Variants in TPRG1 observed in about 807,000 individuals in gnomAD.
The protein encoded by TPRG1 is tumor protein p63 regulated 1, also known as tumor protein p63-regulated gene 1 protein.
Under a neutral mutation model 29.3 loss-of-function variants are expected in TPRG1, and 29 were observed. The ratio of observed to expected loss-of-function variants is 0.99; its 90% confidence interval spans 0.74 to 1.35. The LOEUF (loss-of-function observed/expected upper bound fraction) is 1.35, where lower values mean the gene tolerates loss of function less well. Ranked by LOEUF, TPRG1 falls within the 40% of genes most tolerant of loss-of-function variation. The probability of loss-of-function intolerance (pLI) is 0.00; values close to 1 mark genes in which losing one functional copy is unlikely to be tolerated. For missense variants in TPRG1, 327 were observed against 335.0 expected, an observed-to-expected ratio of 0.98 and a Z score of 0.19; for synonymous variants, 130 against 116.8, an observed-to-expected ratio of 1.11 and a Z score of -0.73.
intron 3 of TPRG1, among the ~76,000 whole-genome samples, chr3:189,234,741 A>G (rs1349573009): frequency 6.6e-6 from 1 of 152,188 alleles, no homozygotes; most frequent in Non-Finnish European, 1.5e-5. Flanking sequence ...CTGAATTTGT[A>G]TTTTCAGAGT....
At chr3:189,111,212 GTA>G (rs1720480544) in intron 1 of TPRG1, among the ~76,000 whole-genome samples, 1 of 151,942 alleles carries the variant, frequency 6.6e-6, no homozygotes, top group East Asian at 1.9e-4. Context: ...CATGAACATA[GTA>G]TATATCTCCT....
chr3:189,057,637 G>A (rs1715786264), intron 4 of TPRG1, among the ~76,000 whole-genome samples: 1 of 149,886 alleles, frequency 6.7e-6, no homozygotes, highest in Admixed American at 6.7e-5. Flanking sequence ...ACTTCATGTT[G>A]AAACAAAAAC....
intron 1 of TPRG1, among the ~76,000 whole-genome samples, chr3:189,194,536 C>A (rs1174374866): frequency 6.6e-6 from 1 of 152,136 alleles, no homozygotes; most frequent in Non-Finnish European, 1.5e-5. Context: ...GGATCTGTGA[C>A]TCTGAGGCAT....
At chr3:189,299,128 G>A (rs1402652496) in intron 4 of TPRG1, among the ~76,000 whole-genome samples, 1 of 151,226 alleles carries the variant, frequency 6.6e-6, no homozygotes, top group African/African-American at 2.4e-5. Context: ...GTTTTTTTAG[G>A]GTGCTCAAAA....
intron 3 of TPRG1, among the ~76,000 whole-genome samples, chr3:189,132,862 T>G (rs1464837572): frequency 6.6e-6 from 1 of 152,178 alleles, no homozygotes; most frequent in Non-Finnish European, 1.5e-5. Flanking sequence ...TCAAATAATG[T>G]AAGTTAGTTT....
At chr3:189,295,399 A>G (rs189177680) in intron 4 of TPRG1, among the ~76,000 whole-genome samples, 8 of 149,534 alleles carry the variant, frequency 5.3e-5, no homozygotes, top group African/African-American at 1.7e-4. Context: ...CAGTATTTAC[A>G]TCTTTTAAAC....
At chr3:189,057,851 T>TATATATAC (rs1322398373) in intron 4 of TPRG1, among the ~76,000 whole-genome samples, 4 of 111,330 alleles carry the variant, frequency 3.6e-5, no homozygotes, top group African/African-American at 2.3e-4. Context: ...TGTGTGTATA[T>TATATATAC]ATATACACAC....
chr3:189,252,542 A>G (rs978171316), intron 4 of TPRG1, among the ~76,000 whole-genome samples: 6 of 152,222 alleles, frequency 3.9e-5, no homozygotes, highest in Non-Finnish European at 7.3e-5. Flanking sequence ...TATTGTGTTT[A>G]TAACCTCCCA....
chr3:189,133,253 G>A (rs1200204069), intron 3 of TPRG1, among the ~76,000 whole-genome samples: 1 of 152,210 alleles, frequency 6.6e-6, no homozygotes, highest in Admixed American at 6.5e-5. Flanking sequence ...GTCTTATGCT[G>A]TGTGCTAGGG....
At chr3:189,092,068 T>G (rs1432908400) in intron 4 of TPRG1, among the ~76,000 whole-genome samples, 1 of 152,200 alleles carries the variant, frequency 6.6e-6, no homozygotes, top group Non-Finnish European at 1.5e-5. Flanking sequence ...AGCTCAGATT[T>G]AGCACTAAAG....
chr3:189,073,347 A>G (rs1226556362), intron 4 of TPRG1, among the ~76,000 whole-genome samples: 1 of 152,228 alleles, frequency 6.6e-6, no homozygotes, highest in Non-Finnish European at 1.5e-5. Flanking sequence ...GTTAACACAG[A>G]CACATACAAA....
intron 1 of TPRG1, among the ~76,000 whole-genome samples, chr3:189,192,266 A>T (rs1323393451): frequency 6.6e-6 from 1 of 152,024 alleles, no homozygotes; most frequent in African/African-American, 2.4e-5. Context: ...GAAGAGAGAG[A>T]CTCTCTTAGC....
intron 4 of TPRG1, among the ~76,000 whole-genome samples, chr3:189,052,018 T>C (rs1234571161): frequency 6.6e-6 from 1 of 152,202 alleles, no homozygotes; most frequent in African/African-American, 2.4e-5. Flanking sequence ...GAAAAACTCT[T>C]CTAGACATTG....
chr3:189,049,504 G>C (rs1055677188), intron 4 of TPRG1, among the ~76,000 whole-genome samples: 1 of 152,144 alleles, frequency 6.6e-6, no homozygotes, highest in Non-Finnish European at 1.5e-5. Context: ...CTGGTCCGAG[G>C]AGAGTCTGAC....
intron 4 of TPRG1, among the ~76,000 whole-genome samples, chr3:189,056,908 TA>T (rs1715735863): frequency 6.6e-6 from 1 of 152,214 alleles, no homozygotes; most frequent in African/African-American, 2.4e-5. Context: ...TTGAAGATGA[TA>T]TACATCCCCA....
intron 4 of TPRG1, among the ~76,000 whole-genome samples, chr3:189,045,981 A>T (rs1210304304): frequency 6.6e-6 from 1 of 152,258 alleles, no homozygotes; most frequent in Non-Finnish European, 1.5e-5. Context: ...ACTCAGCAGC[A>T]GGAAGATGTT....
intron 1 of TPRG1, among the ~76,000 whole-genome samples, chr3:189,177,340 T>C (rs1432802108): frequency 6.6e-6 from 1 of 151,988 alleles, no homozygotes; most frequent in African/African-American, 2.4e-5. Flanking sequence ...AATGTATAAA[T>C]CTGGTATTCA....
At chr3:189,117,875 A>G (rs1207320469) in intron 1 of TPRG1, among the ~76,000 whole-genome samples, 2 of 152,190 alleles carry the variant, frequency 1.3e-5, no homozygotes, top group Non-Finnish European at 2.9e-5. Flanking sequence ...GTATTTCTTC[A>G]TAGCAGTGTG....
At chr3:189,295,977 T>G (rs1719859745) in intron 4 of TPRG1, among the ~76,000 whole-genome samples, 1 of 151,824 alleles carries the variant, frequency 6.6e-6, no homozygotes, top group South Asian at 2.1e-4. Flanking sequence ...GGAGTTTGCG[T>G]TTTTGTTTCT....
Sources: allele counts gnomAD v4.1 joint callset (sites outside exome capture counted in the v4.1 genomes callset), GRCh38; gene constraint gnomAD v4.1.1; transcripts MANE v1.5; gene names NCBI Gene and HGNC (gene_info 2026-07-23, HGNC 2026-07-21).